The following BCL2L11 variants were observed in gnomAD, a reference collection of about 807,000 sequenced individuals.
BCL2L11 encodes the protein bcl-2-like protein 11.
In BCL2L11, 15 loss-of-function variants were observed where a neutral mutation model predicts 20.6. The observed-to-expected ratio is 0.73, with a 90% CI of 0.49 to 1.12. The LOEUF (loss-of-function observed/expected upper bound fraction) is 1.12, where lower values mean the gene tolerates loss of function less well. BCL2L11 is among the 50% of genes most tolerant of loss of function. BCL2L11 has a pLI of 0.00. For missense variants in BCL2L11, 292 were observed against 260.9 expected (o/e 1.12, Z -0.82); for synonymous variants, 108 against 92.8 (o/e 1.16, Z -0.94).
intron 2 of BCL2L11, chr2:111,145,940 T>TG (rs1413704151): frequency 4.9e-6 from 4 of 808,294 alleles, no homozygotes; most frequent in Non-Finnish European, 5.8e-6. Flanking sequence ...TTTTTTTTTT[T>TG]GTAACAAGTA....
intron 2 of BCL2L11, among the ~76,000 whole-genome samples, chr2:111,143,874 A>G (rs551843995): frequency 1.3e-5 from 2 of 152,246 alleles, no homozygotes; most frequent in South Asian, 2.1e-4. Flanking sequence ...GGCATAACAC[A>G]TTAATCTTAA....
In BCL2L11 at chr2:111,150,211, A is replaced by G. The variant is rs41309782; in HGVS notation, c.498+64A>G. 5.3e-3 allele frequency: 8,334 copies of G among 1,565,860 alleles called. 318 individuals carry two copies. In the African/African-American group the frequency reaches 0.091, roughly 17 times the overall value. The stretch of plus-strand genomic sequence containing the variant: ...CTCCCCTTCCACACTATATTTTTTT[A>G]AAAAGACAGTGACTTCTTGTAACTA... On this transcript the variant is annotated intron_variant, in intron 3 of 3. Transcript: ENST00000393256.
rs768257631 is a variant in BCL2L11 at position 111,159,161 on chromosome 2, CAG to C, written c.499-4971_499-4970del. Among the ~76,000 whole-genome samples, 25 of 152,326 alleles carry C rather than the reference CAG, an allele frequency of 1.6e-4. No individual in the cohort carries two copies. In the East Asian group the frequency reaches 4.4e-3, roughly 27 times the overall value. On this transcript the variant is annotated intron_variant, in intron 3 of 3. Transcript: ENST00000393256. The stretch of plus-strand genomic sequence containing the variant: ...CCCAGCAGAGGCACAGGCACAGGCA[CAG>C]GGTGTGCGAGGAGGGAAGGTGCTGG...
rs113289770 is a variant in BCL2L11 at position 111,128,936 on chromosome 2, G to A, written c.394+4797G>A. ...CTGGTGTTCTGTTTCATCTAAACAGGCTGGCCTCACAGAGGAGCTGGAGTG... is the reference window on the plus strand; with the variant it reads ...CTGGTGTTCTGTTTCATCTAAACAGACTGGCCTCACAGAGGAGCTGGAGTG... On this transcript the variant is annotated intron_variant, in intron 2 of 3. Coordinates refer to ENST00000393256, the MANE Select transcript of BCL2L11 (RefSeq NM_138621.5). 106 of 1,051,738 alleles carry A rather than the reference G, an allele frequency of 1.0e-4. No individual in the cohort carries two copies. In the African/African-American group the frequency reaches 1.6e-3, roughly 16 times the overall value. The allele number at this position is 1,051,738 out of a possible 1,614,324, so 65.2% of individuals were successfully genotyped here. A position where few individuals can be genotyped will look rare whatever the true frequency, so the allele number is the denominator to read the frequency against.
chr2:111,141,932 C>T lies in BCL2L11; in HGVS notation c.395-8112C>T, dbSNP rs574115740. On this transcript the variant is annotated intron_variant, in intron 2 of 3. Transcript: ENST00000393256. ...GCCAGGCTGGTCTTGAACTCCTGAC[C>T]TCAAGTGATGTGCCCACCTCAGCCT... 3.9e-5 allele frequency among the ~76,000 whole-genome samples: 6 copies of T among 152,226 alleles called. No homozygotes were observed. The East Asian group carries it at 1.2e-3, about 29-fold the overall frequency.
intron 2 of BCL2L11, among the ~76,000 whole-genome samples, chr2:111,138,787 A>C (rs1012007991): frequency 6.6e-6 from 1 of 152,144 alleles, no homozygotes; most frequent in Admixed American, 6.5e-5. Flanking sequence ...CCTGCCCTCC[A>C]TGGAACCTGG....
chr2:111,145,942 T>G (rs1428245659), intron 2 of BCL2L11: 3 of 861,232 alleles, frequency 3.5e-6, no homozygotes, highest in Non-Finnish European at 4.0e-6. Context: ...TTTTTTTTTG[T>G]AACAAGTAAA....
At chr2:111,147,327 A>ATCTCTC (rs367737247) in intron 2 of BCL2L11, among the ~76,000 whole-genome samples, 16,502 of 124,076 alleles carry the variant, frequency 0.13, 1,171 homozygotes, top group East Asian at 0.19. Context: ...AGCCTCCTGT[A>ATCTCTC]TCTCTCTCTC....
chr2:111,164,330 A>G lies in BCL2L11; in HGVS notation c.*99A>G, dbSNP rs576839037. ...CTCCTGGTGCCATTATTATGCAGCC[A>G]GCGGTTCTCTTGTGGAGGGGGCAGG... On this transcript the variant is annotated 3_prime_UTR_variant, in exon 4 of 4. Coordinates refer to ENST00000393256, the MANE Select transcript of BCL2L11 (RefSeq NM_138621.5). 3 of 893,588 alleles carry G rather than the reference A, an allele frequency of 3.4e-6. No homozygotes were observed. In the Admixed American group the frequency reaches 5.3e-5, roughly 16 times the overall value. 55.4% of individuals were successfully genotyped at this position (893,588 alleles called of 1,614,324 possible). A position where few individuals can be genotyped will look rare whatever the true frequency, so the allele number is the denominator to read the frequency against.
At chr2:111,161,666 A>G (rs886997251) in intron 3 of BCL2L11, 16 of 1,185,898 alleles carry the variant, frequency 1.3e-5, no homozygotes, top group East Asian at 8.1e-5. Context: ...CCCCTGCAAT[A>G]CAGGGATTGT....
chr2:111,145,574 A>G (rs1431659011), intron 2 of BCL2L11, among the ~76,000 whole-genome samples: 1 of 152,150 alleles, frequency 6.6e-6, no homozygotes, highest in African/African-American at 2.4e-5. Flanking sequence ...TGATTTCACT[A>G]TCAACCACTT....
In BCL2L11 at chr2:111,165,844, G is replaced by A. The variant is rs1270097714; in HGVS notation, c.*1613G>A. ...AACTAGTGTTTTGCCCGATAGAAGA[G>A]CCAGCATGTTCACGTTATTTAAATT... On this transcript the variant is annotated 3_prime_UTR_variant, in exon 4 of 4. Coordinates refer to ENST00000393256, the MANE Select transcript of BCL2L11 (RefSeq NM_138621.5). The A allele has an allele frequency of 6.6e-6, 1 of 152,138 alleles. No homozygotes were observed. Among genetic ancestry groups the A allele is most frequent in the Non-Finnish European group, 1.5e-5 (1 of 68,028 alleles). 9.4% of individuals were successfully genotyped at this position (152,138 alleles called of 1,614,324 possible).
chr2:111,160,514 G>A (rs1474015847), intron 3 of BCL2L11, among the ~76,000 whole-genome samples: 3 of 152,204 alleles, frequency 2.0e-5, no homozygotes, highest in African/African-American at 4.8e-5. Flanking sequence ...GGTTGTGAAT[G>A]TTGAAGGAGT....
intron 2 of BCL2L11, among the ~76,000 whole-genome samples, chr2:111,132,912 G>A (rs1164820559): frequency 2.0e-5 from 3 of 152,120 alleles, no homozygotes; most frequent in African/African-American, 4.8e-5. Context: ...CTGAAAATAC[G>A]CTATTCAGTC....
intron 2 of BCL2L11, among the ~76,000 whole-genome samples, chr2:111,129,120 C>T (rs1298958902): frequency 1.3e-5 from 2 of 152,206 alleles, no homozygotes; most frequent in South Asian, 2.1e-4. Context: ...TTGTAAACAG[C>T]GGCATTCTTC....
rs1378852860 is a variant in BCL2L11 at position 111,168,362 on chromosome 2, C to G, written c.*4131C>G. 1 of 152,646 alleles carries G rather than the reference C, an allele frequency of 6.6e-6. No individual in the cohort carries two copies. Among genetic ancestry groups the G allele is most frequent in the East Asian group, 1.9e-4 (1 of 5,204 alleles). The allele number at this position is 152,646 out of a possible 1,614,324, so 9.5% of individuals were successfully genotyped here. A position where few individuals can be genotyped will look rare whatever the true frequency, so the allele number is the denominator to read the frequency against. On this transcript the variant is annotated 3_prime_UTR_variant, in exon 4 of 4. Coordinates refer to ENST00000393256, the MANE Select transcript of BCL2L11 (RefSeq NM_138621.5). ...TTTTGACAGGGTAATTGCCACTTTA[C>G]TTGTGCAATACTGCTGTAAATAACT...
chr2:111,140,644 T>C (rs773765030), intron 2 of BCL2L11, among the ~76,000 whole-genome samples: 3 of 152,194 alleles, frequency 2.0e-5, no homozygotes, highest in Non-Finnish European at 4.4e-5. Context: ...ATTTGTCTGT[T>C]ATTTGGTCCC....
intron 2 of BCL2L11, among the ~76,000 whole-genome samples, chr2:111,130,704 T>C (rs182033237): frequency 1.5e-3 from 222 of 152,326 alleles, no homozygotes; most frequent in African/African-American, 5.1e-3. Context: ...GGGAAAGCTT[T>C]CTGTTTTTAA....
chr2:111,150,202 T>C (rs774155141), intron 3 of BCL2L11, 55 bp downstream of exon 3: 58 of 1,580,110 alleles, frequency 3.7e-5, no homozygotes, highest in Non-Finnish European at 5.0e-5. Flanking sequence ...TTCCACACTA[T>C]ATTTTTTTAA....
Sources: allele counts gnomAD v4.1 joint callset (sites outside exome capture counted in the v4.1 genomes callset), GRCh38; gene constraint gnomAD v4.1.1; transcripts MANE v1.5; gene names NCBI Gene and HGNC (gene_info 2026-07-23, HGNC 2026-07-21).